Variants in SLC24A2 observed in about 807,000 individuals in gnomAD.
SLC24A2 encodes the protein solute carrier family 24 member 2.
In SLC24A2, 36 loss-of-function variants were observed where a neutral mutation model predicts 62.0. The ratio of observed to expected loss-of-function variants is 0.58; its 90% CI spans 0.44 to 0.77. SLC24A2 has a LOEUF of 0.77. Among genes scored for constraint, SLC24A2 ranks in the 30% least tolerant of loss-of-function variants. The probability of loss-of-function intolerance (pLI) is 0.00; values close to 1 mark genes in which losing one functional copy is unlikely to be tolerated. For synonymous variants in SLC24A2, 358 were observed against 294.0 expected (o/e 1.22, Z -2.23); for missense variants, 846 against 817.9 (o/e 1.03, Z -0.42).
chr9:20,097,271 C>T, the SLC24A2 span, among the ~76,000 whole-genome samples: 1 of 152,126 alleles, frequency 6.6e-6, no homozygotes, highest in Non-Finnish European at 1.5e-5. Context: ...ACTCCAATTG[C>T]CCGATAATTC....
chr9:19,990,736 T>A, the SLC24A2 span, among the ~76,000 whole-genome samples: 1 of 150,528 alleles, frequency 6.6e-6, no homozygotes, highest in Admixed American at 6.6e-5. Flanking sequence ...CATAATGAAA[T>A]CTTATGCTGG....
At chr9:19,978,788 G>A in the SLC24A2 span, among the ~76,000 whole-genome samples, 1 of 152,134 alleles carries the variant, frequency 6.6e-6, no homozygotes, top group Non-Finnish European at 1.5e-5. Context: ...CTTGCTAAAT[G>A]AGCAGCTGGG....
chr9:19,593,166 C>G (rs553326252), intron 5 of SLC24A2, among the ~76,000 whole-genome samples: 5 of 152,288 alleles, frequency 3.3e-5, no homozygotes, highest in African/African-American at 1.2e-4. Flanking sequence ...CCCTCACTTC[C>G]CAAGATAAGA....
chr9:20,167,195 A>G, the SLC24A2 span, among the ~76,000 whole-genome samples: 2 of 152,112 alleles, frequency 1.3e-5, no homozygotes, highest in South Asian at 2.1e-4. Flanking sequence ...CTTTTGAACA[A>G]AAGACTTTGA....
intron 2 of SLC24A2, among the ~76,000 whole-genome samples, chr9:19,702,169 G>A (rs1820374970): frequency 6.6e-6 from 1 of 152,168 alleles, no homozygotes. Flanking sequence ...TAATACAATA[G>A]CACTAATCAT....
At position 19,515,362 on chromosome 9, in the gene SLC24A2, G is replaced by C. The variant is rs987638250; in HGVS notation, c.*791C>G. 1 of 152,098 alleles carries C rather than the reference G, an allele frequency of 6.6e-6. No homozygotes were observed. Among genetic ancestry groups the C allele is most frequent in the Admixed American group, 6.5e-5 (1 of 15,274 alleles). 9.4% of individuals were successfully genotyped at this position (152,098 alleles called of 1,614,324 possible). On this transcript the variant is annotated 3_prime_UTR_variant, in exon 11 of 11. Transcript: ENST00000341998. ...CTGAGTTTCTTGGTCAGGGTACTCTGGTGGAGGTGGGCAGATAGTCTCTCT... is the reference window on the plus strand; with the variant it reads ...CTGAGTTTCTTGGTCAGGGTACTCTCGTGGAGGTGGGCAGATAGTCTCTCT...
the SLC24A2 span, among the ~76,000 whole-genome samples, chr9:20,027,610 A>C: frequency 6.6e-6 from 1 of 152,198 alleles, no homozygotes; most frequent in African/African-American, 2.4e-5. Context: ...GATCTCATAG[A>C]AGTAGAGAGC....
At chr9:20,172,886 C>G in the SLC24A2 span, among the ~76,000 whole-genome samples, 2 of 150,514 alleles carry the variant, frequency 1.3e-5, no homozygotes, top group Admixed American at 6.6e-5. Flanking sequence ...CCAGGAAAGA[C>G]ATAACTACAG....
chr9:20,156,705 G>A, the SLC24A2 span, among the ~76,000 whole-genome samples: 2 of 151,828 alleles, frequency 1.3e-5, no homozygotes, highest in East Asian at 3.9e-4. Flanking sequence ...TCCTAAACAA[G>A]CTTTTTCATC....
At chr9:20,021,200 G>A in the SLC24A2 span, among the ~76,000 whole-genome samples, 1 of 151,996 alleles carries the variant, frequency 6.6e-6, no homozygotes, top group Non-Finnish European at 1.5e-5. Flanking sequence ...GTTACAAAAG[G>A]CAAGGAAGGT....
chr9:19,903,497 A>G, the SLC24A2 span, among the ~76,000 whole-genome samples: 12 of 152,326 alleles, frequency 7.9e-5, no homozygotes, highest in African/African-American at 2.4e-5. Context: ...GAAAACACAA[A>G]CATGCAGTCC....
rs933176281 is a variant in SLC24A2, at chr9:19,748,482, C to T, written c.930+37455G>A. Among the ~76,000 whole-genome samples, 6 of 152,074 alleles carry T rather than the reference C, an allele frequency of 3.9e-5. 1 individual carries two copies. Among genetic ancestry groups the T allele is most frequent in the South Asian group, 2.1e-4 (1 of 4,822 alleles). On this transcript the variant is annotated intron_variant, in intron 2 of 10. Coordinates refer to ENST00000341998, the MANE Select transcript of SLC24A2 (RefSeq NM_020344.4). ...AATTGTTGAGTCACCATTGTGAGCACGTTTAATGAAAGATCTGTGAGTCAC... is the reference window on the plus strand; with the variant it reads ...AATTGTTGAGTCACCATTGTGAGCATGTTTAATGAAAGATCTGTGAGTCAC...
chr9:20,024,044 C>T, the SLC24A2 span, among the ~76,000 whole-genome samples: 1 of 152,174 alleles, frequency 6.6e-6, no homozygotes, highest in Non-Finnish European at 1.5e-5. Context: ...CCCATTTTCC[C>T]AGTTGTCTCT....
chr9:20,286,750 T>C, the SLC24A2 span, among the ~76,000 whole-genome samples: 2 of 152,148 alleles, frequency 1.3e-5, no homozygotes, highest in African/African-American at 2.4e-5. Flanking sequence ...GGGGATGCTA[T>C]TGATAATAAT....
the SLC24A2 span, among the ~76,000 whole-genome samples, chr9:19,831,466 A>T: frequency 3.3e-5 from 5 of 152,206 alleles, no homozygotes; most frequent in African/African-American, 1.2e-4. Context: ...GCCACTTATA[A>T]GCCATATTGA....
chr9:20,031,321 TG>T, the SLC24A2 span, among the ~76,000 whole-genome samples: 1 of 143,938 alleles, frequency 6.9e-6, no homozygotes, highest in African/African-American at 2.6e-5. Context: ...TTTTAAAGTG[TG>T]TGTGTGCCCA....
the SLC24A2 span, among the ~76,000 whole-genome samples, chr9:20,186,375 C>T: frequency 8.5e-5 from 13 of 152,216 alleles, no homozygotes; most frequent in African/African-American, 3.1e-4. Flanking sequence ...ATATTCTAAC[C>T]GGGGCCCTAC....
At chr9:19,534,732 GCA>G (rs1418316000) in intron 8 of SLC24A2, among the ~76,000 whole-genome samples, 2 of 152,014 alleles carry the variant, frequency 1.3e-5, no homozygotes, top group Admixed American at 1.3e-4. Context: ...TGTATATGTG[GCA>G]CATTTTCTTT....
the SLC24A2 span, among the ~76,000 whole-genome samples, chr9:20,194,791 G>C: frequency 6.6e-6 from 1 of 151,758 alleles, no homozygotes; most frequent in South Asian, 2.1e-4. Flanking sequence ...GAAAAATAGA[G>C]AACACCTGGA....
Sources: allele counts gnomAD v4.1 joint callset (sites outside exome capture counted in the v4.1 genomes callset), GRCh38; gene constraint gnomAD v4.1.1; transcripts MANE v1.5; gene names NCBI Gene and HGNC (gene_info 2026-07-23, HGNC 2026-07-21).